RBMS3: variants seen among roughly 807,000 people sequenced by gnomAD.
RBMS3 encodes RNA binding motif single stranded interacting protein 3, also known as RNA-binding motif, single-stranded-interacting protein 3.
Under a neutral mutation model 66.8 loss-of-function variants are expected in RBMS3, and 27 were observed. That is an observed-to-expected ratio of 0.40 (90% CI 0.30 to 0.56). The LOEUF (loss-of-function observed/expected upper bound fraction) is 0.56, where lower values mean the gene tolerates loss of function less well. RBMS3 is among the 20% of genes least tolerant of loss of function. The pLI, the probability that RBMS3 is intolerant of heterozygous loss-of-function variation, is 0.40. For missense variants in RBMS3, 513 were observed against 549.5 expected (o/e 0.93, Z 0.66); for synonymous variants, 188 against 183.0 (o/e 1.03, Z -0.22).
At chr3:29,900,706 G>C (rs1025565545) in intron 10 of RBMS3, among the ~76,000 whole-genome samples, 84 of 151,814 alleles carry the variant, frequency 5.5e-4, no homozygotes, top group African/African-American at 2.0e-3. Flanking sequence ...TAGTGCTTTT[G>C]TGAGGATCAA....
At chr3:29,966,130 G>A (rs958979784) in intron 12 of RBMS3, among the ~76,000 whole-genome samples, 3 of 151,906 alleles carry the variant, frequency 2.0e-5, no homozygotes, top group East Asian at 1.9e-4. Flanking sequence ...TGATGACTAC[G>A]GCCTTATAGT....
intron 14 of RBMS3, among the ~76,000 whole-genome samples, chr3:29,996,891 A>C (rs1303601928): frequency 2.0e-5 from 3 of 152,106 alleles, no homozygotes; most frequent in African/African-American, 7.2e-5. Context: ...TTCAAAAGCT[A>C]GCAGAAGGCA....
chr3:29,869,707 C>T (rs1445100439), intron 7 of RBMS3, among the ~76,000 whole-genome samples: 2 of 152,178 alleles, frequency 1.3e-5, no homozygotes, highest in Middle Eastern at 3.4e-3. Flanking sequence ...GGTGACTGAG[C>T]TTCCATGAGG....
At chr3:29,285,641 A>T (rs1016058641) in intron 1 of RBMS3, among the ~76,000 whole-genome samples, 1 of 152,098 alleles carries the variant, frequency 6.6e-6, no homozygotes, top group African/African-American at 2.4e-5. Flanking sequence ...TGATACTCAG[A>T]TTGTGTTCAG....
At chr3:29,606,022 A>G (rs575447371) in intron 4 of RBMS3, among the ~76,000 whole-genome samples, 37 of 149,192 alleles carry the variant, frequency 2.5e-4, no homozygotes, top group South Asian at 4.2e-4. Flanking sequence ...TATGAGTTAT[A>G]CCATCCTAGC....
At chr3:29,523,272 G>T (rs915045512) in intron 3 of RBMS3, among the ~76,000 whole-genome samples, 3 of 152,106 alleles carry the variant, frequency 2.0e-5, no homozygotes, top group Admixed American at 2.0e-4. Flanking sequence ...CGACGTAGCA[G>T]GTGCTCATTA....
intron 14 of RBMS3, among the ~76,000 whole-genome samples, chr3:29,995,522 G>A (rs868167397): frequency 1.3e-4 from 20 of 151,244 alleles, no homozygotes; most frequent in Non-Finnish European, 2.1e-4. Context: ...GAGAAAGGTC[G>A]GGTTACCCTC....
At chr3:29,933,006 G>T (rs1249511717) in intron 10 of RBMS3, among the ~76,000 whole-genome samples, 1 of 152,110 alleles carries the variant, frequency 6.6e-6, no homozygotes. Context: ...TTATAGCATT[G>T]TACAATATTT....
intron 1 of RBMS3, among the ~76,000 whole-genome samples, chr3:29,316,128 A>T (rs1487175313): frequency 6.6e-6 from 1 of 151,728 alleles, no homozygotes; most frequent in Non-Finnish European, 1.5e-5. Context: ...ATCACTGCCT[A>T]GTCCAGCCAT....
At chr3:29,861,735 A>C (rs1359368752) in intron 6 of RBMS3, among the ~76,000 whole-genome samples, 4 of 152,236 alleles carry the variant, frequency 2.6e-5, no homozygotes, top group African/African-American at 9.6e-5. Flanking sequence ...TGATCATTAT[A>C]TCAGTTTATG....
At chr3:29,632,785 T>C (rs1354305643) in intron 4 of RBMS3, among the ~76,000 whole-genome samples, 1 of 151,898 alleles carries the variant, frequency 6.6e-6, no homozygotes, top group Non-Finnish European at 1.5e-5. Flanking sequence ...TGTTTTTTCT[T>C]CCCAACATTA....
At chr3:29,368,373 A>G (rs990457930) in intron 1 of RBMS3, among the ~76,000 whole-genome samples, 1 of 152,134 alleles carries the variant, frequency 6.6e-6, no homozygotes, top group Non-Finnish European at 1.5e-5. Flanking sequence ...AGGTTGATCT[A>G]TATTTATTGG....
intron 6 of RBMS3, among the ~76,000 whole-genome samples, chr3:29,773,225 T>C (rs1282790502): frequency 6.6e-6 from 1 of 151,956 alleles, no homozygotes; most frequent in Non-Finnish European, 1.5e-5. Flanking sequence ...AAACGGGGAT[T>C]GTCCTAAAGC....
intron 7 of RBMS3, among the ~76,000 whole-genome samples, chr3:29,883,911 T>C (rs2059795359): frequency 6.6e-6 from 1 of 151,936 alleles, no homozygotes; most frequent in Non-Finnish European, 1.5e-5. Context: ...GAAGTAAAAA[T>C]GGAAATCATC....
Position 29,751,558 on chromosome 3 carries a change from C to T in RBMS3, c.558-11352C>T, listed in dbSNP as rs531244086. 5.3e-5 allele frequency among the ~76,000 whole-genome samples: 8 copies of T among 152,306 alleles called. No homozygotes were observed. The South Asian group carries it at 6.2e-4, about 12-fold the overall frequency. On this transcript the variant is annotated intron_variant, in intron 5 of 14. Transcript: ENST00000383767. ...CCAAGATTAATCTTCCACAAACCCT[C>T]TACAACGTGCTTAAAATGTTTTGCC...
chr3:29,765,139 G>C (rs1694333523), intron 6 of RBMS3, among the ~76,000 whole-genome samples: 1 of 152,006 alleles, frequency 6.6e-6, no homozygotes, highest in East Asian at 1.9e-4. Flanking sequence ...TGGAAGAAAA[G>C]AGGATATAAT....
At chr3:29,951,513 T>C (rs1380879936) in intron 12 of RBMS3, among the ~76,000 whole-genome samples, 1 of 151,610 alleles carries the variant, frequency 6.6e-6, no homozygotes, top group East Asian at 1.9e-4. Context: ...TACACAACAA[T>C]AAAAGGATTA....
chr3:29,446,617 C>G (rs1019068999), intron 2 of RBMS3, among the ~76,000 whole-genome samples: 1 of 152,024 alleles, frequency 6.6e-6, no homozygotes, highest in Admixed American at 6.6e-5. Flanking sequence ...TTTAAAAACA[C>G]AGTTATAGTG....
chr3:29,976,877 G>A (rs770505767), intron 12 of RBMS3, among the ~76,000 whole-genome samples: 4 of 149,440 alleles, frequency 2.7e-5, no homozygotes, highest in African/African-American at 5.1e-5. Flanking sequence ...AGGTAATACC[G>A]CTCCTCTCCT....
Sources: gnomAD v4.1 joint callset for allele counts (sites outside exome capture counted in the v4.1 genomes callset) on GRCh38, gnomAD v4.1.1 for gene constraint, MANE v1.5 for transcripts, NCBI Gene and HGNC (gene_info 2026-07-23, HGNC 2026-07-21) for gene names.